The following CPD variants were observed in gnomAD, a reference collection of about 807,000 sequenced individuals.
The protein encoded by CPD is metallocarboxypeptidase D.
A neutral mutation model predicts 138.3 loss-of-function variants in CPD; 69 were observed. The ratio of observed to expected loss-of-function variants is 0.50; its 90% CI spans 0.41 to 0.61. The LOEUF (loss-of-function observed/expected upper bound fraction) is 0.61, where lower values mean the gene tolerates loss of function less well. Among genes scored for constraint, CPD ranks in the 20% least tolerant of loss-of-function variants. CPD has a pLI of 0.00. For synonymous variants in CPD, 651 were observed against 642.1 expected, an observed-to-expected ratio of 1.01 and a Z score of -0.21; for missense variants, 1,432 against 1,733.3, an observed-to-expected ratio of 0.83 and a Z score of 3.09.
intron 11 of CPD, among the ~76,000 whole-genome samples, chr17:30,444,516 C>CTTTTTTT (rs34419729): frequency 8.3e-6 from 1 of 120,852 alleles, no homozygotes; most frequent in Non-Finnish European, 1.7e-5. Flanking sequence ...ATGCTAGTAA[C>CTTTTTTT]TTTTTTTTTT....
chr17:30,385,252 A>C lies in CPD; in HGVS notation c.994+16A>C. The C allele has an allele frequency of 6.2e-7, 1 of 1,611,802 alleles. No homozygotes were observed. Among genetic ancestry groups the C allele is most frequent in the South Asian group, 1.1e-5 (1 of 90,936 alleles). On this transcript the variant is annotated intron_variant, in intron 2 of 20. Transcript: ENST00000225719. Reference sequence around the variant, plus strand: ...GATGTGGAAGGTATGCAAAGCATTGAGTTTGCTACATTTTCCCCCTTGTTC... The same window carrying C: ...GATGTGGAAGGTATGCAAAGCATTGCGTTTGCTACATTTTCCCCCTTGTTC...
intron 14 of CPD, 119 bp from the exon 15 acceptor site, chr17:30,455,202 CTTATGGAGAAATAAAATA>C: frequency 4.2e-6 from 3 of 718,838 alleles, no homozygotes; most frequent in Non-Finnish European, 6.8e-6. Flanking sequence ...GAGATAGTGG[CTTATGGAGAAATAAAATA>C]TTTATCTACA....
At chr17:30,442,177 C>A in intron 9 of CPD, 131 bp from the exon 10 acceptor site, 1 of 723,744 alleles carries the variant, frequency 1.4e-6, no homozygotes, top group Non-Finnish European at 2.2e-6. Flanking sequence ...AGTGCCCTCA[C>A]ATGAACACGT....
Position 30,379,142 on chromosome 17 carries a change from G to A in CPD, c.162G>A (p.Gln54=). ...CGGGCGCCGAGGCGGCCGAGGGCCAGTTCGACCGCTACTACCACGAAGAGG... is the reference window on the plus strand; with the variant it reads ...CGGGCGCCGAGGCGGCCGAGGGCCAATTCGACCGCTACTACCACGAAGAGG... ...TSAGAEAAEG[Q]FDRYYHEEEL... is the part of the protein sequence containing the mutation. The change falls in exon 1 of 21, where the codon CAG becomes CAA. Residue 54 remains glutamine (Q), a synonymous_variant. Transcript: ENST00000225719. The surrounding 1 kb of genome is among the most constrained non-coding windows in gnomAD (Gnocchi z 7.0). 6.5e-7 allele frequency: 1 copy of A among 1,537,810 alleles called. No individual in the cohort carries two copies. The highest frequency in any genetic ancestry group is 8.7e-7 in the Non-Finnish European group (1 of 1,145,660).
chr17:30,385,281 G>T, intron 2 of CPD, 45 bp downstream of exon 2: 3 of 1,605,300 alleles, frequency 1.9e-6, no homozygotes, highest in Non-Finnish European at 2.6e-6. Flanking sequence ...CTTGTTCGTT[G>T]AATTTTGTTA....
chr17:30,392,747 T>C (rs1425902611), intron 2 of CPD, among the ~76,000 whole-genome samples: 2 of 152,242 alleles, frequency 1.3e-5, no homozygotes, highest in East Asian at 3.8e-4. Flanking sequence ...TGATAACTTA[T>C]TATTTGGGTT....
intron 2 of CPD, among the ~76,000 whole-genome samples, chr17:30,415,495 C>G (rs1238417338): frequency 6.6e-6 from 1 of 151,942 alleles, no homozygotes; most frequent in Non-Finnish European, 1.5e-5. Flanking sequence ...ATAAAATATT[C>G]TAATAAAATA....
Position 30,421,769 on chromosome 17 carries a change from A to G in CPD, c.1243A>G (p.Arg415Gly), listed in dbSNP as rs956304435. ...AGINHNITTG[R>G]FGDFYRLLVP... ...TATTAATCATAATATCACAACAGGC[A>G]GATTTGGTGATTTCTACCGATTACT... The change falls in exon 4 of 21, where the codon AGA becomes GGA. Residue 415 changes from arginine (R) to glycine (G), a missense_variant. Physicochemically the swap from Arg to Gly is moderately radical, Grantham distance 125. Around this residue, in one of 6 missense-constraint regions of CPD, gnomAD observed 160 missense variants for 197.9 expected, o/e 0.81. Transcript: ENST00000225719. 1.9e-6 allele frequency: 3 copies of G among 1,613,650 alleles called. No individual in the cohort carries two copies. In the African/African-American group the frequency reaches 4.0e-5, roughly 22 times the overall value.
intron 16 of CPD, 52 bp from the exon 17 acceptor site, chr17:30,456,410 G>A (rs374134055): frequency 1.2e-6 from 2 of 1,607,410 alleles, no homozygotes; most frequent in Non-Finnish European, 1.7e-6. Context: ...TGTGGGGAAA[G>A]GAGTTTCACC....
chr17:30,439,110 T>C (rs1426838771), intron 9 of CPD, 33 bp downstream of exon 9: 1 of 1,234,024 alleles, frequency 8.1e-7, no homozygotes, highest in Non-Finnish European at 1.2e-6. Flanking sequence ...GCCTTACAAC[T>C]TGATGGCCTT....
At chr17:30,417,570 G>A (rs1172417705) in intron 2 of CPD, among the ~76,000 whole-genome samples, 1 of 152,082 alleles carries the variant, frequency 6.6e-6, no homozygotes, top group Non-Finnish European at 1.5e-5. Context: ...CAGGCCAGAG[G>A]TCCTCTTTGA....
At chr17:30,397,737 CAAAAAAAAA>C (rs71138885) in intron 2 of CPD, among the ~76,000 whole-genome samples, 8 of 31,880 alleles carry the variant, frequency 2.5e-4, no homozygotes, top group Non-Finnish European at 4.0e-4. Flanking sequence ...ACTCCTGTCT[CAAAAAAAAA>C]AAAAAAAAAA....
At chr17:30,411,437 A>G (rs1451156866) in intron 2 of CPD, among the ~76,000 whole-genome samples, 1 of 152,170 alleles carries the variant, frequency 6.6e-6, no homozygotes, top group Admixed American at 6.5e-5. Flanking sequence ...CTCCTGGATA[A>G]TATCCTGAAG....
At chr17:30,426,252 T>G (rs1249890859) in intron 6 of CPD, among the ~76,000 whole-genome samples, 1 of 151,320 alleles carries the variant, frequency 6.6e-6, no homozygotes, top group Admixed American at 6.6e-5. Flanking sequence ...TCCTGCCTGC[T>G]GCACAGGCAA....
intron 2 of CPD, among the ~76,000 whole-genome samples, chr17:30,405,002 A>G (rs531754138): frequency 6.6e-6 from 1 of 152,284 alleles, no homozygotes; most frequent in Admixed American, 6.5e-5. Flanking sequence ...TATGGATTAA[A>G]GAGTTTACTT....
In CPD at chr17:30,423,708, G is replaced by A. The variant is rs560089249; in HGVS notation, c.1849+11G>A. ...AAAAGTCCCAGGAAGGTAAAGAATA[G>A]CATTTAATTCTTAATCATTTGATCA... On this transcript the variant is annotated intron_variant, in intron 6 of 20. Coordinates refer to ENST00000225719, the MANE Select transcript of CPD (RefSeq NM_001304.5). The A allele has an allele frequency of 1.5e-5, 22 of 1,504,444 alleles. No individual in the cohort carries two copies. The highest frequency in any genetic ancestry group is 1.1e-4 in the African/African-American group (8 of 70,766). The allele number at this position is 1,504,444 out of a possible 1,614,324, so 93.2% of individuals were successfully genotyped here. A position where few individuals can be genotyped will look rare whatever the true frequency, so the allele number is the denominator to read the frequency against.
At chr17:30,413,761 A>G (rs973559829) in intron 2 of CPD, among the ~76,000 whole-genome samples, 36 of 152,206 alleles carry the variant, frequency 2.4e-4, no homozygotes, top group African/African-American at 8.7e-4. Flanking sequence ...AAAAGCAACA[A>G]GGTAGAAAAA....
At chr17:30,431,694 C>T in intron 7 of CPD, 78 bp from the exon 8 acceptor site, 1 of 905,916 alleles carries the variant, frequency 1.1e-6, no homozygotes, top group Non-Finnish European at 1.7e-6. Context: ...TCTTCTCTGG[C>T]AGTATTCTGA....
intron 1 of CPD, among the ~76,000 whole-genome samples, chr17:30,383,256 A>G (rs979330217): frequency 1.6e-4 from 24 of 152,204 alleles, no homozygotes; most frequent in African/African-American, 5.8e-4. Context: ...TTTGTTGAGC[A>G]GGGGCTATAA....
Sources: gnomAD v4.1 joint callset for allele counts (sites outside exome capture counted in the v4.1 genomes callset) on GRCh38, gnomAD v4.1.1 for gene constraint, gnomAD v4.1.1 regional missense constraint, Gnocchi (gnomAD v3.1) non-coding constraint, MANE v1.5 for transcripts, NCBI Gene and HGNC (gene_info 2026-07-23, HGNC 2026-07-21) for gene names.